ATP13A4: variants seen among roughly 807,000 people sequenced by gnomAD.
The protein encoded by ATP13A4 is ATPase 13A4.
Under a neutral mutation model 142.5 loss-of-function variants are expected in ATP13A4, and 114 were observed. The ratio of observed to expected loss-of-function variants is 0.80; its 90% confidence interval spans 0.69 to 0.93. The LOEUF (loss-of-function observed/expected upper bound fraction) is 0.93, where lower values mean the gene tolerates loss of function less well. Ranked by LOEUF, ATP13A4 falls within the 40% of genes least tolerant of loss-of-function variation. The probability of loss-of-function intolerance (pLI) is 0.00; values close to 1 mark genes in which losing one functional copy is unlikely to be tolerated. For synonymous variants in ATP13A4, 488 were observed against 514.8 expected (o/e 0.95, Z 0.70); for missense variants, 1,392 against 1,454.0 (o/e 0.96, Z 0.69).
intron 1 of ATP13A4, among the ~76,000 whole-genome samples, chr3:193,582,067 A>T (rs1724557291): frequency 6.6e-6 from 1 of 150,586 alleles, no homozygotes; most frequent in African/African-American, 2.4e-5. Flanking sequence ...AATTACTAAA[A>T]TACCTGAAAA....
At chr3:193,504,615 C>A (rs1380740375) in intron 2 of ATP13A4, among the ~76,000 whole-genome samples, 1 of 152,116 alleles carries the variant, frequency 6.6e-6, no homozygotes, top group African/African-American at 2.4e-5. Context: ...CCTCCAGAGT[C>A]CCCTCTAACC....
rs545500006 is a variant in ATP13A4, at chr3:193,480,644, A to G, written c.808+3292T>C. ...CAAAAAATAAGAGATGTTCACGAGGATGTGGTGAAAAGAAACACTTTTACA... is the reference window on the plus strand; with the variant it reads ...CAAAAAATAAGAGATGTTCACGAGGGTGTGGTGAAAAGAAACACTTTTACA... On this transcript the variant is annotated intron_variant, in intron 8 of 29. Coordinates refer to ENST00000342695, the MANE Select transcript of ATP13A4 (RefSeq NM_032279.4). Among the ~76,000 whole-genome samples, 10 of 152,294 alleles carry G rather than the reference A, an allele frequency of 6.6e-5. No homozygotes were observed. In the South Asian group the frequency reaches 2.1e-3, roughly 32 times the overall value.
chr3:193,511,590 A>G (rs1721143609), intron 2 of ATP13A4, among the ~76,000 whole-genome samples: 1 of 152,244 alleles, frequency 6.6e-6, no homozygotes, highest in Non-Finnish European at 1.5e-5. Context: ...AATGACACAC[A>G]CACACACAAT....
chr3:193,555,453 TAA>T (rs1723850189), upstream of ATP13A4, among the ~76,000 whole-genome samples: 2 of 152,246 alleles, frequency 1.3e-5, no homozygotes, highest in African/African-American at 2.4e-5. Context: ...TATGTGAAAT[TAA>T]GTTTACTTTT....
intron 2 of ATP13A4, among the ~76,000 whole-genome samples, chr3:193,561,940 C>G (rs1286406221): frequency 6.6e-6 from 1 of 152,204 alleles, no homozygotes; most frequent in Non-Finnish European, 1.5e-5. Flanking sequence ...CATCACTGTA[C>G]TTCTCCCTCC....
intron 17 of ATP13A4, among the ~76,000 whole-genome samples, 157 bp from the exon 18 acceptor site, chr3:193,448,487 C>T (rs549950645): frequency 6.6e-6 from 1 of 152,168 alleles, no homozygotes. Flanking sequence ...AGGTGCCCAC[C>T]ACCACGCCCG....
chr3:193,417,508 T>C (rs1560173012), intron 25 of ATP13A4, among the ~76,000 whole-genome samples: 1 of 152,244 alleles, frequency 6.6e-6, no homozygotes, highest in Non-Finnish European at 1.5e-5. Context: ...TACACTGTTA[T>C]AAATTTAGAA....
chr3:193,482,200 A>C (rs1238941904), intron 8 of ATP13A4, among the ~76,000 whole-genome samples: 2 of 152,338 alleles, frequency 1.3e-5, no homozygotes, highest in African/African-American at 4.8e-5. Flanking sequence ...GAGAAAACAT[A>C]ATCTTTTCAA....
intron 24 of ATP13A4, among the ~76,000 whole-genome samples, chr3:193,434,895 G>T (rs1716175286): frequency 6.6e-6 from 1 of 152,146 alleles, no homozygotes; most frequent in Non-Finnish European, 1.5e-5. Context: ...TGGCATGCTG[G>T]CTTATACTAA....
At chr3:193,516,245 G>T (rs1721407124) in intron 1 of ATP13A4, among the ~76,000 whole-genome samples, 1 of 152,214 alleles carries the variant, frequency 6.6e-6, no homozygotes, top group Non-Finnish European at 1.5e-5. Context: ...GAAAGGTTCT[G>T]TGATGCTTGG....
chr3:193,419,680 C>A (rs1377021922), intron 25 of ATP13A4, among the ~76,000 whole-genome samples: 1 of 149,982 alleles, frequency 6.7e-6, no homozygotes, highest in African/African-American at 2.5e-5. Context: ...ACTCCACATC[C>A]CAGGGAAAAG....
chr3:193,510,868 G>C (rs1721107053), intron 2 of ATP13A4, among the ~76,000 whole-genome samples: 1 of 152,094 alleles, frequency 6.6e-6, no homozygotes, highest in Admixed American at 6.6e-5. Context: ...TTTCAGGTAG[G>C]AGTCATCCAG....
At chr3:193,446,294 A>G (rs1716951619) in intron 18 of ATP13A4, among the ~76,000 whole-genome samples, 1 of 152,250 alleles carries the variant, frequency 6.6e-6, no homozygotes, top group South Asian at 2.1e-4. Flanking sequence ...AAAATTAAAT[A>G]AACAATAGGG....
chr3:193,414,152 C>T (rs1714926217), intron 26 of ATP13A4, among the ~76,000 whole-genome samples: 1 of 152,092 alleles, frequency 6.6e-6, no homozygotes, highest in Admixed American at 6.6e-5. Context: ...CCCCGATAAA[C>T]AACAACAACA....
intron 29 of ATP13A4, among the ~76,000 whole-genome samples, chr3:193,403,108 C>T (rs985603991): frequency 2.0e-5 from 3 of 152,194 alleles, no homozygotes; most frequent in Non-Finnish European, 4.4e-5. Context: ...GGGAACATAA[C>T]TTGAAATGGC....
chr3:193,484,033 C>T, intron 7 of ATP13A4, 28 bp from the exon 8 acceptor site: 1 of 1,558,760 alleles, frequency 6.4e-7, no homozygotes, highest in Non-Finnish European at 8.8e-7. Context: ...ATGGAAAAGT[C>T]TTATCTATTT....
At chr3:193,462,944 AG>A in intron 12 of ATP13A4, 121 bp from the exon 13 acceptor site, 1 of 934,712 alleles carries the variant, frequency 1.1e-6, no homozygotes, top group Non-Finnish European at 1.7e-6. Flanking sequence ...CAGGAGTTTA[AG>A]ACCAGCCTGG....
chr3:193,576,065 C>A (rs553298952), intron 2 of ATP13A4, among the ~76,000 whole-genome samples: 2 of 152,126 alleles, frequency 1.3e-5, no homozygotes, highest in South Asian at 4.2e-4. Context: ...GGCTAGCCAT[C>A]CGCAAGGAAG....
chr3:193,565,435 T>C (rs948828365), intron 2 of ATP13A4, among the ~76,000 whole-genome samples: 2 of 152,192 alleles, frequency 1.3e-5, no homozygotes, highest in African/African-American at 4.8e-5. Context: ...CTACTGGGCA[T>C]AGGAGCAGAG....
Sources: allele counts gnomAD v4.1 joint callset (sites outside exome capture counted in the v4.1 genomes callset), GRCh38; gene constraint gnomAD v4.1.1; transcripts MANE v1.5; gene names NCBI Gene and HGNC (gene_info 2026-07-23, HGNC 2026-07-21).